The following KLF8 variants were observed in gnomAD, a reference collection of about 807,000 sequenced individuals.
The protein encoded by KLF8 is KLF transcription factor 8.
A neutral mutation model predicts 18.2 loss-of-function variants in KLF8; 10 were observed. The observed-to-expected ratio is 0.55, with a 90% CI of 0.34 to 0.93. The LOEUF is 0.93. Ranked by LOEUF, KLF8 falls within the 40% of genes least tolerant of loss-of-function variation. KLF8 has a pLI of 0.02. For missense variants in KLF8, 264 were observed against 277.9 expected, an observed-to-expected ratio of 0.95 and a Z score of 0.36; for synonymous variants, 109 against 97.3, an observed-to-expected ratio of 1.12 and a Z score of -0.71.
At chrX:56,037,044 G>T in the KLF8 span, among the ~76,000 whole-genome samples, 1 of 106,598 alleles carries the variant, frequency 9.4e-6, no homozygotes, top group Non-Finnish European at 2.0e-5. Flanking sequence ...CAATTCAAAT[G>T]ATTTTCACTG....
chrX:56,196,135 T>G, the KLF8 span, among the ~76,000 whole-genome samples: 1 of 111,543 alleles, frequency 9.0e-6, no homozygotes. Flanking sequence ...ACATGCCAAA[T>G]TGTAAAGACC....
At chrX:56,160,843 A>G in the KLF8 span, among the ~76,000 whole-genome samples, 1 of 111,249 alleles carries the variant, frequency 9.0e-6, no homozygotes, top group Non-Finnish European at 1.9e-5. Context: ...CTCTTTATCC[A>G]ATTTGCCAGT....
At chrX:56,281,264 C>G (rs1485675039) in intron 5 of KLF8, among the ~76,000 whole-genome samples, 1 of 111,558 alleles carries the variant, frequency 9.0e-6, no homozygotes, top group Non-Finnish European at 1.9e-5. Flanking sequence ...ACAGCTGACC[C>G]TATATGTACC....
the KLF8 span, among the ~76,000 whole-genome samples, chrX:56,204,896 T>G: frequency 9.1e-6 from 1 of 110,468 alleles, no homozygotes; most frequent in Non-Finnish European, 1.9e-5. Flanking sequence ...GGGGATGGGG[T>G]GGGGGGAGAG....
the KLF8 span, among the ~76,000 whole-genome samples, chrX:56,213,564 C>A: frequency 9.1e-6 from 1 of 109,554 alleles, no homozygotes; most frequent in African/African-American, 3.3e-5. Context: ...CTCAGGTAAT[C>A]CACCCGCCTT....
the KLF8 span, chrX:55,961,574 T>G: frequency 1.4e-5 from 7 of 515,343 alleles, no homozygotes; most frequent in East Asian, 2.5e-4. Flanking sequence ...TTGAAAAATG[T>G]CCAGTTATTC....
chrX:56,091,640 G>C, the KLF8 span, among the ~76,000 whole-genome samples: 130 of 110,769 alleles, frequency 1.2e-3, no homozygotes, highest in African/African-American at 4.2e-3. Flanking sequence ...TGGATTACAG[G>C]TGTGCCACCA....
the KLF8 span, among the ~76,000 whole-genome samples, chrX:56,160,163 G>A: frequency 8.9e-6 from 1 of 111,876 alleles, no homozygotes; most frequent in Non-Finnish European, 1.9e-5. Context: ...AGTCATTCAG[G>A]AGCAGGTTGT....
At chrX:56,176,087 G>T in the KLF8 span, among the ~76,000 whole-genome samples, 21 of 111,651 alleles carry the variant, frequency 1.9e-4, no homozygotes, top group Admixed American at 1.8e-3. Flanking sequence ...GGAGCATTTA[G>T]CCCATTTACA....
chrX:56,128,119 C>A, the KLF8 span, among the ~76,000 whole-genome samples: 23 of 111,012 alleles, frequency 2.1e-4, no homozygotes, highest in Non-Finnish European at 3.8e-4. Context: ...AGAAAGCATT[C>A]CAGATGAAGG....
chrX:56,064,032 G>A, the KLF8 span, among the ~76,000 whole-genome samples: 1 of 107,439 alleles, frequency 9.3e-6, no homozygotes, highest in Non-Finnish European at 1.9e-5. Flanking sequence ...ATGTGCATGT[G>A]TATATAATAC....
At chrX:55,993,910 GTTT>G in the KLF8 span, among the ~76,000 whole-genome samples, 3 of 90,017 alleles carry the variant, frequency 3.3e-5, no homozygotes, top group African/African-American at 4.2e-5. Context: ...GTTTATAGAG[GTTT>G]TTTTTTTTTT....
At chrX:55,988,719 T>C in the KLF8 span, among the ~76,000 whole-genome samples, 1 of 111,642 alleles carries the variant, frequency 9.0e-6, no homozygotes, top group African/African-American at 3.3e-5. Context: ...TTTAAAGTAG[T>C]TTTTTCCAAT....
chrX:56,048,925 G>C, the KLF8 span, among the ~76,000 whole-genome samples: 2 of 111,526 alleles, frequency 1.8e-5, no homozygotes, highest in East Asian at 5.7e-4. Flanking sequence ...CCATTTGTTT[G>C]TATCCTCTTT....
the KLF8 span, among the ~76,000 whole-genome samples, chrX:56,055,517 T>G: frequency 8.9e-6 from 1 of 111,887 alleles, no homozygotes; most frequent in Admixed American, 9.5e-5. Flanking sequence ...ATTTTGTGTT[T>G]GGAGAATCTG....
the KLF8 span, among the ~76,000 whole-genome samples, chrX:56,103,764 G>A: frequency 2.7e-5 from 3 of 111,705 alleles, no homozygotes; most frequent in Non-Finnish European, 1.9e-5. Flanking sequence ...TAGGAGTGAT[G>A]AGAGTGGGCA....
chrX:56,202,402 C>G, the KLF8 span, among the ~76,000 whole-genome samples: 1 of 111,127 alleles, frequency 9.0e-6, no homozygotes, highest in African/African-American at 3.3e-5. Flanking sequence ...TCCATCCTCT[C>G]AAACATTTAT....
the KLF8 span, among the ~76,000 whole-genome samples, chrX:56,113,487 A>G: frequency 2.2e-5 from 2 of 91,825 alleles, no homozygotes; most frequent in Non-Finnish European, 4.2e-5. Context: ...TAGAATTATT[A>G]TTTTGTGTTG....
the KLF8 span, among the ~76,000 whole-genome samples, chrX:56,078,532 G>C: frequency 8.9e-6 from 1 of 111,818 alleles, no homozygotes; most frequent in Admixed American, 9.5e-5. Flanking sequence ...TGTGCTGCTG[G>C]ATTCGTTTTG....
Sources: gnomAD v4.1 joint callset for allele counts (sites outside exome capture counted in the v4.1 genomes callset) on GRCh38, gnomAD v4.1.1 for gene constraint, MANE v1.5 for transcripts, NCBI Gene and HGNC (gene_info 2026-07-23, HGNC 2026-07-21) for gene names.